Variants in RAB11FIP4 observed in about 807,000 individuals in gnomAD.
The protein encoded by RAB11FIP4 is rab11 family-interacting protein 4.
RAB11FIP4 carries 23 observed loss-of-function variants against 74.3 expected under a neutral mutation model. That is an observed-to-expected ratio of 0.31 (90% confidence interval 0.22 to 0.44). The LOEUF is 0.44. Ranked by LOEUF, RAB11FIP4 falls within the 20% of genes least tolerant of loss-of-function variation. The probability of loss-of-function intolerance (pLI) is 1.00; values close to 1 mark genes in which losing one functional copy is unlikely to be tolerated. For synonymous variants in RAB11FIP4, 360 were observed against 359.9 expected (o/e 1.00, Z 0.00); for missense variants, 630 against 863.9 (o/e 0.73, Z 3.39).
At position 31,536,849 on chromosome 17, in the gene RAB11FIP4, GT is replaced by G. The variant is rs1352433420; in HGVS notation, c.*5120del. 5 of 397,548 alleles carry G rather than the reference GT, an allele frequency of 1.3e-5. No individual in the cohort carries two copies. The highest frequency in any genetic ancestry group is 8.8e-5 in the Admixed American group (2 of 22,694). The allele number at this position is 397,548 out of a possible 1,614,324, so 24.6% of individuals were successfully genotyped here. The stretch of plus-strand genomic sequence containing the variant: ...AATAGGCTGCCTTCTAGAAAGATTT[GT>G]TTCTAAAAGCGTAGACCCTGGGGAA... On this transcript the variant is annotated 3_prime_UTR_variant, in exon 15 of 15. Transcript: ENST00000621161.
At chr17:31,442,361 C>T (rs2071414331) in intron 3 of RAB11FIP4, among the ~76,000 whole-genome samples, 1 of 152,166 alleles carries the variant, frequency 6.6e-6, no homozygotes, top group South Asian at 2.1e-4. Flanking sequence ...AATAATCATT[C>T]TTATAGCTAA....
intron 3 of RAB11FIP4, among the ~76,000 whole-genome samples, chr17:31,503,377 T>C (rs1164833388): frequency 6.7e-6 from 1 of 149,674 alleles, no homozygotes; most frequent in Non-Finnish European, 1.5e-5. Context: ...TACAGTCACA[T>C]TCTGAAGTAC....
chr17:31,476,465 G>A (rs556010696), intron 3 of RAB11FIP4, among the ~76,000 whole-genome samples: 3 of 152,192 alleles, frequency 2.0e-5, no homozygotes, highest in African/African-American at 7.2e-5. Context: ...GATTATAGGT[G>A]TGAGCCACCG....
intron 3 of RAB11FIP4, among the ~76,000 whole-genome samples, chr17:31,505,499 TTATATTATATATAATAATTA>T (rs1204998986): frequency 1.2e-5 from 1 of 82,334 alleles, no homozygotes; most frequent in East Asian, 2.4e-4. Flanking sequence ...TATATAATTA[TTATATTATATATAATAATTA>T]TATATTATAT....
intron 3 of RAB11FIP4, among the ~76,000 whole-genome samples, chr17:31,459,159 G>C (rs1220680317): frequency 6.6e-6 from 1 of 152,046 alleles, no homozygotes; most frequent in African/African-American, 2.4e-5. Flanking sequence ...CCTGCCCCGT[G>C]TCAATTCCCC....
chr17:31,456,608 C>G (rs903422044), intron 3 of RAB11FIP4, among the ~76,000 whole-genome samples: 1 of 152,354 alleles, frequency 6.6e-6, no homozygotes, highest in African/African-American at 2.4e-5. Context: ...TAACTATCCC[C>G]TTGCTGTCCT....
intron 3 of RAB11FIP4, among the ~76,000 whole-genome samples, chr17:31,435,468 G>A (rs1475755087): frequency 1.3e-5 from 2 of 152,190 alleles, no homozygotes; most frequent in Admixed American, 6.5e-5. Flanking sequence ...AGTTGAAGGT[G>A]CACAAGCTGA....
intron 1 of RAB11FIP4, among the ~76,000 whole-genome samples, chr17:31,393,630 T>C (rs2070898799): frequency 6.6e-6 from 1 of 152,230 alleles, no homozygotes; most frequent in African/African-American, 2.4e-5. Context: ...ATCACCGTTC[T>C]GCACGGGGAC....
At position 31,438,240 on chromosome 17, in the gene RAB11FIP4, G is replaced by C. The variant is rs141509978; in HGVS notation, c.336+4118G>C. Among the ~76,000 whole-genome samples the C allele has an allele frequency of 9.2e-5, 14 of 152,158 alleles. No individual in the cohort carries two copies. In the East Asian group the frequency reaches 2.7e-3, roughly 29 times the overall value. ...AGACACGTGGAGAGCCCGACACTCG[G>C]GTGCTAAAGGCAATGGGATAGTTGC... On this transcript the variant is annotated intron_variant, in intron 3 of 14. Transcript: ENST00000621161.
At position 31,531,689 on chromosome 17, in the gene RAB11FIP4, C is replaced by G; in HGVS notation, c.1871C>G (p.Ala624Gly). The change falls in exon 15 of 15, where the codon GCC (alanine) becomes GGC (glycine). Residue 624 changes from alanine (A) to glycine (G), a missense_variant. Coordinates refer to ENST00000621161, the MANE Select transcript of RAB11FIP4 (RefSeq NM_032932.6). ...CAGTACATGGACAAGATTATCCTCGCCATCCTGGACCACAATCCCTCCATC... is the reference window on the plus strand; with the variant it reads ...CAGTACATGGACAAGATTATCCTCGGCATCCTGGACCACAATCCCTCCATC... ...LRQYMDKIILAILDHNPSILE... is the reference protein window; with the variant it reads ...LRQYMDKIILGILDHNPSILE... 6.2e-7 allele frequency: 1 copy of G among 1,614,038 alleles called. No individual in the cohort carries two copies. The highest frequency in any genetic ancestry group is 8.5e-7 in the Non-Finnish European group (1 of 1,179,898).
chr17:31,489,940 G>A (rs575467219), intron 3 of RAB11FIP4, among the ~76,000 whole-genome samples: 1 of 152,310 alleles, frequency 6.6e-6, no homozygotes, highest in East Asian at 1.9e-4. Flanking sequence ...GGCCAGGTGA[G>A]CCAGCTGGAA....
In RAB11FIP4 at chr17:31,461,930, G is replaced by A. The variant is rs184340724; in HGVS notation, c.336+27808G>A. Among the ~76,000 whole-genome samples the A allele has an allele frequency of 2.8e-4, 42 of 152,236 alleles. No individual in the cohort carries two copies. In the East Asian group the frequency reaches 6.2e-3, roughly 22 times the overall value. ...ACACACTTTTGTTGGTCACAGGGCT[G>A]GACCTTGGCCAGATATTGGAATCAC... On this transcript the variant is annotated intron_variant, in intron 3 of 14. Coordinates refer to ENST00000621161, the MANE Select transcript of RAB11FIP4 (RefSeq NM_032932.6).
intron 13 of RAB11FIP4, 84 bp from the exon 14 acceptor site, chr17:31,530,242 G>C (rs1419317911): frequency 1.3e-6 from 2 of 1,547,380 alleles, no homozygotes; most frequent in African/African-American, 2.7e-5. Flanking sequence ...CGGCAGGTCG[G>C]GGACGGTGGA....
At chr17:31,407,067 T>G (rs1264084603) in intron 1 of RAB11FIP4, among the ~76,000 whole-genome samples, 8 of 144,014 alleles carry the variant, frequency 5.6e-5, no homozygotes, top group Non-Finnish European at 1.0e-4. Context: ...TTTTTTTTTT[T>G]TTGAGACAAG....
chr17:31,520,291 G>A (rs1390638450), intron 4 of RAB11FIP4, among the ~76,000 whole-genome samples: 1 of 152,082 alleles, frequency 6.6e-6, no homozygotes, highest in Non-Finnish European at 1.5e-5. Flanking sequence ...GGTGTCCACA[G>A]GGGGTCCTGG....
At chr17:31,402,592 ATT>A (rs1272309222) in intron 1 of RAB11FIP4, among the ~76,000 whole-genome samples, 1 of 128,404 alleles carries the variant, frequency 7.8e-6, no homozygotes, top group African/African-American at 3.1e-5. Context: ...AGATTATTTT[ATT>A]TATTTTTATT....
intron 3 of RAB11FIP4, among the ~76,000 whole-genome samples, chr17:31,438,251 C>T (rs957390181): frequency 1.3e-5 from 2 of 152,034 alleles, no homozygotes; most frequent in African/African-American, 4.8e-5. Flanking sequence ...GTGCTAAAGG[C>T]AATGGGATAG....
intron 3 of RAB11FIP4, among the ~76,000 whole-genome samples, chr17:31,485,305 C>T (rs2071890506): frequency 6.6e-6 from 1 of 152,192 alleles, no homozygotes; most frequent in South Asian, 2.1e-4. Context: ...TTCCCCACTC[C>T]ACTACCTTTG....
chr17:31,495,451 T>G (rs2142759999), intron 3 of RAB11FIP4, among the ~76,000 whole-genome samples: 1 of 150,444 alleles, frequency 6.6e-6, no homozygotes, highest in South Asian at 2.1e-4. Context: ...CTTGGCTCAC[T>G]GTAGCCTCGA....
Sources: allele counts gnomAD v4.1 joint callset (sites outside exome capture counted in the v4.1 genomes callset), GRCh38; gene constraint gnomAD v4.1.1; transcripts MANE v1.5; gene names NCBI Gene and HGNC (gene_info 2026-07-23, HGNC 2026-07-21).